Variants in C2CD2 observed in about 807,000 individuals in gnomAD.
C2CD2 encodes the protein C2 domain-containing protein 2.
In C2CD2, 43 loss-of-function variants were observed where a neutral mutation model predicts 74.3. The observed-to-expected ratio is 0.58, with a 90% confidence interval of 0.45 to 0.75. C2CD2 has a LOEUF of 0.75. C2CD2 is among the 30% of genes least tolerant of loss of function. The pLI is 0.00. For synonymous variants in C2CD2, 422 were observed against 390.7 expected (o/e 1.08, Z -0.94); for missense variants, 801 against 916.3 (o/e 0.87, Z 1.63).
At chr21:41,890,325 A>G (rs1601538744) in intron 13 of C2CD2, among the ~76,000 whole-genome samples, 2 of 152,322 alleles carry the variant, frequency 1.3e-5, no homozygotes, top group East Asian at 3.9e-4. Flanking sequence ...ATATACAGAT[A>G]TTTACCTGGC....
chr21:41,923,964 G>A lies in C2CD2; in HGVS notation c.379-1879C>T, dbSNP rs535322153. Among the ~76,000 whole-genome samples the A allele has an allele frequency of 3.3e-4, 50 of 152,310 alleles. No individual in the cohort carries two copies. The highest frequency in any genetic ancestry group is 5.9e-4 in the Non-Finnish European group (40 of 68,028). ...CACAGGGCAGGCACAAGGGGGTTCC[G>A]TAGGTGGCCAGTGTTTGGCCAAAAA... On this transcript the variant is annotated intron_variant, in intron 2 of 13. Coordinates refer to ENST00000380486, the MANE Select transcript of C2CD2 (RefSeq NM_015500.2). The surrounding 1 kb of genome is among the most constrained non-coding windows in gnomAD (Gnocchi z 5.8).
intron 13 of C2CD2, among the ~76,000 whole-genome samples, chr21:41,896,953 G>A (rs573060377): frequency 6.6e-6 from 1 of 152,316 alleles, no homozygotes; most frequent in South Asian, 2.1e-4. Context: ...TGAGGTAGGG[G>A]CGCAGGAGTG....
chr21:41,899,802 A>G lies in C2CD2; in HGVS notation c.1561-440T>C, dbSNP rs1463595368. ...TACCTGCAAGTGGAAATTCACCGGC[A>G]CATCCTCTCAAAAATTATATTTTGT... On this transcript the variant is annotated intron_variant, in intron 12 of 13. Coordinates refer to ENST00000380486, the MANE Select transcript of C2CD2 (RefSeq NM_015500.2). The surrounding 1 kb of genome is among the most constrained non-coding windows in gnomAD (Gnocchi z 4.4). Among the ~76,000 whole-genome samples, 1 of 152,180 alleles carries G rather than the reference A, an allele frequency of 6.6e-6. No individual in the cohort carries two copies. Among genetic ancestry groups the G allele is most frequent in the East Asian group, 1.9e-4 (1 of 5,202 alleles).
intron 13 of C2CD2, among the ~76,000 whole-genome samples, chr21:41,896,052 C>T (rs2064818461): frequency 6.6e-6 from 1 of 152,178 alleles, no homozygotes; most frequent in South Asian, 2.1e-4. Context: ...AGCCACAGCA[C>T]TGTCAGGAGG....
At position 41,953,385 on chromosome 21, in the gene C2CD2, C is replaced by T. The variant is rs577123893; in HGVS notation, c.264G>A (p.Glu88=). 7 of 1,419,294 alleles carry T rather than the reference C, an allele frequency of 4.9e-6. No homozygotes were observed. The African/African-American group carries it at 6.0e-5, about 12-fold the overall frequency. The allele number at this position is 1,419,294 out of a possible 1,614,324, so 87.9% of individuals were successfully genotyped here. ...GGAAACTCACCCCTTTCCTCTCGGC[C>T]TCCTCGTTCAGGGCGGTCACCCAGG... is the stretch of plus-strand genomic sequence containing the variant. ...QAAWVTALNE[E]AERKGGPPFL... Residue 88 remains glutamate, a synonymous_variant, in exon 1 of 14, where the codon GAG becomes GAA. Coordinates refer to ENST00000380486, the MANE Select transcript of C2CD2 (RefSeq NM_015500.2).
rs2064930252 is a variant in C2CD2, at chr21:41,903,951, A to T, written c.1432+1773T>A. On this transcript the variant is annotated intron_variant, in intron 11 of 13. Transcript: ENST00000380486. This position sits in a 1 kb window ranked among gnomAD's most constrained non-coding sequence, Gnocchi z 4.5. ...CAGCGGCAAAAGCATCAGCGGCATT[A>T]GTACCAGAGCGGCTCCAGCTCAAAT... is the stretch of plus-strand genomic sequence containing the variant. Among the ~76,000 whole-genome samples, 1 of 152,198 alleles carries T rather than the reference A, an allele frequency of 6.6e-6. No homozygotes were observed. Among genetic ancestry groups the T allele is most frequent in the Non-Finnish European group, 1.5e-5 (1 of 68,022 alleles).
rs1005242112 is a variant in C2CD2 at position 41,918,790 on chromosome 21, G to A, written c.597+66C>T. The A allele has an allele frequency of 1.0e-4, 129 of 1,243,998 alleles. 1 individual carries two copies. Among genetic ancestry groups the A allele is most frequent in the Middle Eastern group, 5.1e-4 (2 of 3,924 alleles). The allele number at this position is 1,243,998 out of a possible 1,614,324, so 77.1% of individuals were successfully genotyped here. A position where few individuals can be genotyped will look rare whatever the true frequency, so the allele number is the denominator to read the frequency against. On this transcript the variant is annotated intron_variant, in intron 4 of 13. Coordinates refer to ENST00000380486, the MANE Select transcript of C2CD2 (RefSeq NM_015500.2). ...CCAGCCATGCACTCAGTTCCCCACC[G>A]CAGACTGTCCTAACACACGTGCGTT...
intron 3 of C2CD2, among the ~76,000 whole-genome samples, chr21:41,920,582 C>T (rs141710212): frequency 1.8e-4 from 27 of 152,328 alleles, no homozygotes; most frequent in African/African-American, 6.3e-4. Flanking sequence ...TTGACACAGA[C>T]AGCTCAGTCG....
At chr21:41,905,702 G>A (rs1023595411) in intron 11 of C2CD2, 22 bp downstream of exon 11, 6 of 1,261,568 alleles carry the variant, frequency 4.8e-6, no homozygotes, top group East Asian at 2.3e-5. Context: ...GAGGGAGAGC[G>A]ACGTGGGCGT....
chr21:41,942,332 T>G, intron 1 of C2CD2, 87 bp from the exon 2 acceptor site: 6 of 1,010,194 alleles, frequency 5.9e-6, no homozygotes, highest in Non-Finnish European at 8.9e-6. Context: ...TCTGAAAAAT[T>G]AAGAAAATGT....
In C2CD2 at chr21:41,917,574, C is replaced by A. The variant is rs79216847; in HGVS notation, c.720+531G>T. ...AGAATTTAACCAGAAAAGTGAGTAG[C>A]GCCCTAATCAGATGGAATAGGGGGG... On this transcript the variant is annotated intron_variant, in intron 5 of 13. Coordinates refer to ENST00000380486, the MANE Select transcript of C2CD2 (RefSeq NM_015500.2). Among the ~76,000 whole-genome samples, 26 of 152,208 alleles carry A rather than the reference C, an allele frequency of 1.7e-4. No homozygotes were observed. The East Asian group carries it at 4.8e-3, about 28-fold the overall frequency.
At chr21:41,911,903 T>C (rs946433865) in intron 7 of C2CD2, among the ~76,000 whole-genome samples, 2 of 152,210 alleles carry the variant, frequency 1.3e-5, no homozygotes, top group African/African-American at 4.8e-5. Context: ...GGTCTCGCTA[T>C]GTTGCTCAGG....
intron 3 of C2CD2, among the ~76,000 whole-genome samples, chr21:41,921,391 T>G (rs2065152289): frequency 6.6e-6 from 1 of 152,258 alleles, no homozygotes; most frequent in Non-Finnish European, 1.5e-5. Flanking sequence ...AAAGTCTCAC[T>G]GGGCTTATTG....
chr21:41,944,488 C>T (rs150772619), intron 1 of C2CD2, among the ~76,000 whole-genome samples: 1 of 124,402 alleles, frequency 8.0e-6, no homozygotes, highest in Non-Finnish European at 1.6e-5. Context: ...TGCCACTGCA[C>T]TTGAGCCTGG....
In C2CD2 at chr21:41,939,011, G is replaced by A. The variant is rs2065332867; in HGVS notation, c.378+3136C>T. Among the ~76,000 whole-genome samples the A allele has an allele frequency of 6.6e-6, 1 of 152,034 alleles. No individual in the cohort carries two copies. The highest frequency in any genetic ancestry group is 2.1e-4 in the South Asian group (1 of 4,808). ...CCCACCTTGGCCTCCCAAAGTGCTG[G>A]GATTATAAGCGCGAGCCACGGCACC... On this transcript the variant is annotated intron_variant, in intron 2 of 13. Transcript: ENST00000380486. This position sits in a 1 kb window ranked among gnomAD's most constrained non-coding sequence, Gnocchi z 5.5.
At chr21:41,916,840 T>A (rs1211009095) in intron 5 of C2CD2, among the ~76,000 whole-genome samples, 3 of 152,230 alleles carry the variant, frequency 2.0e-5, no homozygotes, top group African/African-American at 7.2e-5. Flanking sequence ...ATTAAATTCA[T>A]GGATTCCAAA....
At chr21:41,905,976 G>A in intron 10 of C2CD2, 139 bp from the exon 11 acceptor site, 1 of 672,302 alleles carries the variant, frequency 1.5e-6, no homozygotes, top group South Asian at 1.6e-5. Flanking sequence ...AAGCTGTTTT[G>A]AGGGGAGGAG....
At chr21:41,937,393 AG>A (rs2146220729) in intron 2 of C2CD2, among the ~76,000 whole-genome samples, 1 of 152,378 alleles carries the variant, frequency 6.6e-6, no homozygotes, top group African/African-American at 2.4e-5. Flanking sequence ...CTGGGATTAC[AG>A]GCATAAGCCA....
intron 7 of C2CD2, among the ~76,000 whole-genome samples, chr21:41,911,841 G>A (rs993090838): frequency 6.6e-5 from 10 of 152,188 alleles, no homozygotes; most frequent in African/African-American, 2.4e-4. Flanking sequence ...CTACAGGCAA[G>A]GCAAGGGCCA....
Sources: gnomAD v4.1 joint callset for allele counts (sites outside exome capture counted in the v4.1 genomes callset) on GRCh38, gnomAD v4.1.1 for gene constraint, Gnocchi (gnomAD v3.1) non-coding constraint, MANE v1.5 for transcripts, NCBI Gene and HGNC (gene_info 2026-07-23, HGNC 2026-07-21) for gene names.